The following ZNF814 variants were observed in gnomAD, a reference collection of about 807,000 sequenced individuals.
ZNF814 encodes the protein zinc finger protein 814.
In ZNF814, 5 loss-of-function variants were observed where a neutral mutation model predicts 7.5. The ratio of observed to expected loss-of-function variants is 0.67; its 90% CI spans 0.35 to 1.40. The LOEUF is 1.40. Among genes scored for constraint, ZNF814 ranks in the 40% most tolerant of loss-of-function variants. The pLI is 0.04. For missense variants in ZNF814, 962 were observed against 1,018.0 expected, an observed-to-expected ratio of 0.94 and a Z score of 0.75; for synonymous variants, 315 against 340.7, an observed-to-expected ratio of 0.92 and a Z score of 0.83.
chr19:57,898,954 AAAAG>A, the ZNF814 span, among the ~76,000 whole-genome samples: 3 of 151,624 alleles, frequency 2.0e-5, no homozygotes, highest in South Asian at 6.2e-4. Context: ...AAAAAAAAAA[AAAAG>A]AAAAGAAAAA....
the ZNF814 span, among the ~76,000 whole-genome samples, chr19:57,900,839 A>ATTTTTTTTTTTTTTTT: frequency 0.082 from 3,736 of 45,738 alleles, 1,231 homozygotes; most frequent in South Asian, 0.12. Context: ...CCATGGCTGC[A>ATTTTTTTTTTTTTTTT]TTTTTTTTTT....
At chr19:57,877,912 C>T (rs989831890) in intron 1 of ZNF814, among the ~76,000 whole-genome samples, 1 of 151,936 alleles carries the variant, frequency 6.6e-6, no homozygotes, top group East Asian at 1.9e-4. Flanking sequence ...CATTTGTAAT[C>T]CCAGTGATTT....
chr19:57,898,571 A>G, the ZNF814 span, among the ~76,000 whole-genome samples: 2 of 152,258 alleles, frequency 1.3e-5, no homozygotes, highest in African/African-American at 2.4e-5. Flanking sequence ...GGAGGCTTTA[A>G]AAGAATTAGT....
intron 1 of ZNF814, among the ~76,000 whole-genome samples, chr19:57,883,014 A>G (rs1221783703): frequency 6.6e-6 from 1 of 152,254 alleles, no homozygotes. Flanking sequence ...ACAAACACGG[A>G]GAAAGAATTC....
At chr19:57,885,431 C>A (rs185352485) in intron 1 of ZNF814, among the ~76,000 whole-genome samples, 22 of 151,534 alleles carry the variant, frequency 1.5e-4, no homozygotes, top group Admixed American at 1.4e-3. Context: ...GAGTTCAAAA[C>A]CAGCCTGGCC....
the ZNF814 span, among the ~76,000 whole-genome samples, chr19:57,902,280 G>A: frequency 9.6e-4 from 146 of 152,266 alleles, no homozygotes; most frequent in African/African-American, 3.2e-3. Flanking sequence ...CTATGGAATC[G>A]TCATTGACTG....
At position 57,871,838 on chromosome 19, in the gene ZNF814, A is replaced by G. The variant is rs1467012755; in HGVS notation, c.*984T>C. Among the ~76,000 whole-genome samples the G allele has an allele frequency of 6.6e-6, 1 of 150,942 alleles. No individual in the cohort carries two copies. The highest frequency in any genetic ancestry group is 1.5e-5 in the Non-Finnish European group (1 of 67,802). On this transcript the variant is annotated 3_prime_UTR_variant, in exon 3 of 3. Coordinates refer to ENST00000435989, the MANE Select transcript of ZNF814 (RefSeq NM_001144989.2). ...AAAAAAAAAAAAAAAGGCCAGGCAC[A>G]GTAACTCACACCTGTAATCCCAGCA...
intron 2 of ZNF814, among the ~76,000 whole-genome samples, chr19:57,876,006 G>C (rs553449322): frequency 1.4e-3 from 177 of 127,748 alleles, no homozygotes; most frequent in Non-Finnish European, 2.2e-3. Context: ...TGTCACCCAG[G>C]CTGGAGTGCA....
At chr19:57,891,650 G>C (rs1256551102), upstream of ZNF814, among the ~76,000 whole-genome samples, 1 of 152,206 alleles carries the variant, frequency 6.6e-6, no homozygotes, top group Non-Finnish European at 1.5e-5. Flanking sequence ...AGGAGATGGA[G>C]ACCATCCTGG....
In ZNF814 at chr19:57,888,845, C is replaced by A; in HGVS notation, c.-43G>T. On this transcript the variant is annotated 5_prime_UTR_variant, in exon 1 of 3. Transcript: ENST00000435989. ...AGCAGAGTCGGGAGGATAGGGCGAC[C>A]AGCCAGGAGATATGGGCACGACGGT... 6.4e-7 allele frequency: 1 copy of A among 1,550,652 alleles called. No individual in the cohort carries two copies. Among genetic ancestry groups the A allele is most frequent in the Non-Finnish European group, 8.7e-7 (1 of 1,146,252 alleles).
intron 1 of ZNF814, among the ~76,000 whole-genome samples, chr19:57,882,811 G>A (rs2071658973): frequency 6.6e-6 from 1 of 151,470 alleles, no homozygotes; most frequent in African/African-American, 2.4e-5. Flanking sequence ...CCCAGACTGT[G>A]AAGACCACAA....
Position 57,888,792 on chromosome 19 carries a change from G to C in ZNF814, c.11C>G (p.Ala4Gly). 1.3e-6 allele frequency: 2 copies of C among 1,552,094 alleles called. No homozygotes were observed. The highest frequency in any genetic ancestry group is 2.4e-5 in the South Asian group (2 of 84,060). MAA[A>G]ATLRLSAQGT... Reference sequence around the variant, plus strand: ...CTGAGCGGAGAGCCTCAGCGTAGCCGCGGCAGCCATCGAACCACGTGGTTT... The same window carrying C: ...CTGAGCGGAGAGCCTCAGCGTAGCCCCGGCAGCCATCGAACCACGTGGTTT... The change falls in exon 1 of 3, where the codon GCG becomes GGG. Residue 4 changes from alanine (A) to glycine (G), a missense_variant. By Grantham distance (60) the Ala-to-Gly change is moderately conservative. This residue lies in a region of ZNF814 where 63 missense variants were observed against 65.0 expected (regional missense o/e 0.97). Coordinates refer to ENST00000435989, the MANE Select transcript of ZNF814 (RefSeq NM_001144989.2).
rs772167204 is a variant in ZNF814 at position 57,874,217 on chromosome 19, T to A, written c.1173A>T (p.Lys391Asn). The A allele has an allele frequency of 1.6e-5, 26 of 1,576,280 alleles. No individual in the cohort carries two copies. In the African/African-American group the frequency reaches 3.4e-4, roughly 21 times the overall value. The change falls in exon 3 of 3, where the codon AAA (lysine) becomes AAT (asparagine). Residue 391 changes from lysine (K) to asparagine (N), a missense_variant. Transcript: ENST00000435989. ...TCTGATGATTACTGAAGCTAGCATATTTGCTAAACGATTTCCCACATTCTC... is the reference window on the plus strand; with the variant it reads ...TCTGATGATTACTGAAGCTAGCATAATTGCTAAACGATTTCCCACATTCTC... Reference protein sequence around the residue: ...ECGECGKSFSKYASFSNHQRV... With the variant: ...ECGECGKSFSNYASFSNHQRV...
At chr19:57,888,080 G>A (rs2071707849) in intron 1 of ZNF814, among the ~76,000 whole-genome samples, 2 of 152,156 alleles carry the variant, frequency 1.3e-5, no homozygotes, top group South Asian at 4.1e-4. Context: ...CCGTCTCTTT[G>A]GCCGCCAGCT....
intron 2 of ZNF814, among the ~76,000 whole-genome samples, chr19:57,875,633 T>C (rs1294113818): frequency 1.3e-5 from 2 of 152,100 alleles, no homozygotes; most frequent in African/African-American, 2.4e-5. Context: ...AACACAAATC[T>C]CTATGCCAAC....
intron 1 of ZNF814, among the ~76,000 whole-genome samples, chr19:57,880,827 A>G (rs1311921205): frequency 6.7e-6 from 1 of 149,842 alleles, no homozygotes; most frequent in Non-Finnish European, 1.5e-5. Flanking sequence ...CATGTTGGCC[A>G]GGCTGGTCTC....
In ZNF814 at chr19:57,872,576, A is replaced by T; in HGVS notation, c.*246T>A. 2 of 1,017,630 alleles carry T rather than the reference A, an allele frequency of 2.0e-6. No individual in the cohort carries two copies. The highest frequency in any genetic ancestry group is 2.9e-6 in the Non-Finnish European group (2 of 686,184). The allele number at this position is 1,017,630 out of a possible 1,614,324, so 63.0% of individuals were successfully genotyped here. ...TTCCCACATTTGCTGCAATCACAAG[A>T]CCTTACTCCAGTGTGAACTCTCCTG... On this transcript the variant is annotated 3_prime_UTR_variant, in exon 3 of 3. Coordinates refer to ENST00000435989, the MANE Select transcript of ZNF814 (RefSeq NM_001144989.2).
the ZNF814 span, among the ~76,000 whole-genome samples, chr19:57,903,829 G>T: frequency 0.1 from 15,163 of 152,202 alleles, 1,093 homozygotes; most frequent in East Asian, 0.35. Context: ...TAGCTGTGGC[G>T]GTTTTGCAGG....
intron 1 of ZNF814, among the ~76,000 whole-genome samples, 168 bp downstream of exon 1, chr19:57,888,599 C>T (rs1448995508): frequency 6.6e-6 from 1 of 152,118 alleles, no homozygotes; most frequent in Non-Finnish European, 1.5e-5. Flanking sequence ...CTGTACCTGC[C>T]GGTCTCCCCA....
Sources: gnomAD v4.1 joint callset for allele counts (sites outside exome capture counted in the v4.1 genomes callset) on GRCh38, gnomAD v4.1.1 for gene constraint, gnomAD v4.1.1 regional missense constraint, MANE v1.5 for transcripts, NCBI Gene and HGNC (gene_info 2026-07-23, HGNC 2026-07-21) for gene names.